The following MORN4 variants were observed in gnomAD, a reference collection of about 807,000 sequenced individuals.
The protein encoded by MORN4 is MORN repeat containing 4.
Under a neutral mutation model 16.4 loss-of-function variants are expected in MORN4, and 8 were observed. The observed-to-expected ratio is 0.49, with a 90% CI of 0.29 to 0.88. MORN4 has a LOEUF of 0.88. MORN4 is among the 40% of genes least tolerant of loss of function. The probability of loss-of-function intolerance (pLI) is 0.09; values close to 1 mark genes in which losing one functional copy is unlikely to be tolerated. For synonymous variants in MORN4, 53 were observed against 68.9 expected (o/e 0.77, Z 1.14); for missense variants, 159 against 182.9 (o/e 0.87, Z 0.75).
intron 1 of MORN4, among the ~76,000 whole-genome samples, chr10:97,621,444 G>A (rs905110915): frequency 6.6e-6 from 1 of 152,226 alleles, no homozygotes; most frequent in South Asian, 2.1e-4. Context: ...GCACGAAGTG[G>A]GATGAATTGG....
rs934987627 is a variant in MORN4 at position 97,615,052 on chromosome 10, T to G, written c.*1211A>C. On this transcript the variant is annotated 3_prime_UTR_variant, in exon 5 of 5. Coordinates refer to ENST00000307450, the MANE Select transcript of MORN4 (RefSeq NM_178832.4). ...TAAGATTACTGTTTACATGAGTTTTTTTCTTGATTGTCCCAAAAAGGGATC... is the reference window on the plus strand; with the variant it reads ...TAAGATTACTGTTTACATGAGTTTTGTTCTTGATTGTCCCAAAAAGGGATC... 6.6e-6 allele frequency: 1 copy of G among 152,616 alleles called. No individual in the cohort carries two copies. The highest frequency in any genetic ancestry group is 1.5e-5 in the Non-Finnish European group (1 of 68,038). 9.5% of individuals were successfully genotyped at this position (152,616 alleles called of 1,614,324 possible). A position where few individuals can be genotyped will look rare whatever the true frequency, so the allele number is the denominator to read the frequency against.
At chr10:97,629,752 T>C (rs2041378761) in intron 1 of MORN4, among the ~76,000 whole-genome samples, 2 of 152,050 alleles carry the variant, frequency 1.3e-5, no homozygotes, top group Admixed American at 1.3e-4. Context: ...GGGTGTTTTT[T>C]TTTTGTTTGT....
At chr10:97,623,713 C>T (rs77255941) in intron 1 of MORN4, among the ~76,000 whole-genome samples, 1 of 151,104 alleles carries the variant, frequency 6.6e-6, no homozygotes, top group Non-Finnish European at 1.5e-5. Context: ...GCTCCCAGCT[C>T]AAAACAAGAC....
chr10:97,626,062 A>G (rs2041343209), intron 1 of MORN4, among the ~76,000 whole-genome samples: 1 of 135,220 alleles, frequency 7.4e-6, no homozygotes. Flanking sequence ...ACCCAGCCTC[A>G]TGCCTTTTTT....
At chr10:97,626,903 C>T (rs1564767964) in intron 1 of MORN4, among the ~76,000 whole-genome samples, 1 of 151,220 alleles carries the variant, frequency 6.6e-6, no homozygotes, top group Non-Finnish European at 1.5e-5. Context: ...GATTACAGGC[C>T]CCTGCCACCA....
At chr10:97,624,016 A>G (rs111658769) in intron 1 of MORN4, among the ~76,000 whole-genome samples, 2,167 of 151,866 alleles carry the variant, frequency 0.014, 19 homozygotes, top group African/African-American at 0.019. Flanking sequence ...GATTACAGGC[A>G]TGAGCCACCG....
rs755331181 is a variant in MORN4 at position 97,619,557 on chromosome 10, T to C, written c.67+30A>G. ...TGTCCTCCAGCAAATGAAGTGTTCATCATGGATACTCCCCAGGGGTCCTTC... is the reference window on the plus strand; with the variant it reads ...TGTCCTCCAGCAAATGAAGTGTTCACCATGGATACTCCCCAGGGGTCCTTC... On this transcript the variant is annotated intron_variant, in intron 2 of 4. Transcript: ENST00000307450. The C allele has an allele frequency of 6.6e-5, 100 of 1,506,734 alleles. No homozygotes were observed. The South Asian group carries it at 9.4e-4, about 14-fold the overall frequency. The allele number at this position is 1,506,734 out of a possible 1,614,324, so 93.3% of individuals were successfully genotyped here.
chr10:97,623,936 C>T (rs983458501), intron 1 of MORN4, among the ~76,000 whole-genome samples: 1 of 152,040 alleles, frequency 6.6e-6, no homozygotes, highest in Non-Finnish European at 1.5e-5. Flanking sequence ...TGGAGTTTCA[C>T]CGTGTTAGCC....
intron 1 of MORN4, among the ~76,000 whole-genome samples, chr10:97,629,082 G>T (rs2041372993): frequency 6.6e-6 from 1 of 151,918 alleles, no homozygotes; most frequent in Non-Finnish European, 1.5e-5. Context: ...TGGACCAAAA[G>T]AACACAATGA....
intron 1 of MORN4, among the ~76,000 whole-genome samples, chr10:97,621,950 C>T (rs142297544): frequency 7.2e-5 from 11 of 152,092 alleles, no homozygotes; most frequent in African/African-American, 2.4e-4. Context: ...ATGGAATGTT[C>T]GCAAAGGTGA....
intron 1 of MORN4, among the ~76,000 whole-genome samples, chr10:97,622,356 C>T (rs1485661653): frequency 6.6e-6 from 1 of 152,074 alleles, no homozygotes; most frequent in Non-Finnish European, 1.5e-5. Flanking sequence ...CTAGATATGG[C>T]TTCACATTAG....
At chr10:97,633,650 C>T (rs2041417696), upstream of MORN4, 1 of 1,272,232 alleles carries the variant, frequency 7.9e-7, no homozygotes, top group Non-Finnish European at 1.0e-6. This position sits in a 1 kb window ranked among gnomAD's most constrained non-coding sequence, Gnocchi z 4.5. Context: ...GTGGTCCCAC[C>T]TCTGCAACGC....
At chr10:97,626,455 CTCTT>C (rs2041348415) in intron 1 of MORN4, among the ~76,000 whole-genome samples, 1 of 149,586 alleles carries the variant, frequency 6.7e-6, no homozygotes, top group Non-Finnish European at 1.5e-5. Context: ...CTTGTTCTCT[CTCTT>C]TTTTTTTTTT....
rs565936744 is a variant in MORN4, at chr10:97,630,118, G to A, written c.-31+3229C>T. 3.4e-3 allele frequency among the ~76,000 whole-genome samples: 522 copies of A among 152,112 alleles called. 5 individuals carry two copies. Among genetic ancestry groups the A allele is most frequent in the African/African-American group, 0.012 (504 of 41,486 alleles). ...TTTTTTTTGTATTTTTAGTGGAGACGGGGTTTCACCATGTTAGCCAGGATG... is the reference window on the plus strand; with the variant it reads ...TTTTTTTTGTATTTTTAGTGGAGACAGGGTTTCACCATGTTAGCCAGGATG... On this transcript the variant is annotated intron_variant, in intron 1 of 4. Coordinates refer to ENST00000307450, the MANE Select transcript of MORN4 (RefSeq NM_178832.4).
rs1376458612 is a variant in MORN4, at chr10:97,616,312, A to G, written c.392T>C (p.Val131Ala). ...CTTGGAGGCGCTCTGGGCCCGCTGA[A>G]CAATGGCAGAACACTTCTCACGTCG... ...LLRREKCSAI[V>A]QRAQSASKSA... Residue 131 changes from valine to alanine, a missense_variant, in exon 5 of 5, where the codon GTT (valine) becomes GCT (alanine). Physicochemically the swap from Val to Ala is moderately conservative, Grantham distance 64. Transcript: ENST00000307450. 6.2e-7 allele frequency: 1 copy of G among 1,613,032 alleles called. No individual in the cohort carries two copies. Among genetic ancestry groups the G allele is most frequent in the Non-Finnish European group, 8.5e-7 (1 of 1,179,500 alleles).
chr10:97,618,792 T>TG (rs2135735452), intron 2 of MORN4, among the ~76,000 whole-genome samples: 1 of 151,706 alleles, frequency 6.6e-6, no homozygotes, highest in Admixed American at 6.6e-5. Flanking sequence ...TGGTTGTTTT[T>TG]TTTTTTTTTT....
intron 1 of MORN4, among the ~76,000 whole-genome samples, chr10:97,631,218 A>C (rs2135744172): frequency 6.6e-6 from 1 of 152,324 alleles, no homozygotes; most frequent in Non-Finnish European, 1.5e-5. Context: ...TTTAAAGAGA[A>C]TATATGGCTC....
intron 2 of MORN4, chr10:97,619,384 C>A (rs2041268076): frequency 3.4e-6 from 2 of 596,596 alleles, no homozygotes; most frequent in South Asian, 2.1e-5. Context: ...AGATATAACT[C>A]ATTCCTGGAG....
chr10:97,626,997 T>G (rs1190113832), intron 1 of MORN4, among the ~76,000 whole-genome samples: 1 of 147,796 alleles, frequency 6.8e-6, no homozygotes, highest in African/African-American at 2.5e-5. Flanking sequence ...CCTCAGGTGA[T>G]CCTCCCGCCT....
Sources: allele counts gnomAD v4.1 joint callset (sites outside exome capture counted in the v4.1 genomes callset), GRCh38; gene constraint gnomAD v4.1.1; non-coding constraint Gnocchi (gnomAD v3.1); transcripts MANE v1.5; gene names NCBI Gene and HGNC (gene_info 2026-07-23, HGNC 2026-07-21).